The following STK39 variants were observed in gnomAD, a reference collection of about 807,000 sequenced individuals.
The protein encoded by STK39 is STE20/SPS1-related proline-alanine-rich protein kinase.
A neutral mutation model predicts 77.8 loss-of-function variants in STK39; 20 were observed. The ratio of observed to expected loss-of-function variants is 0.26; its 90% CI spans 0.18 to 0.37. The LOEUF is 0.37. Ranked by LOEUF, STK39 falls within the 10% of genes least tolerant of loss-of-function variation. STK39 has a pLI of 1.00. For missense variants in STK39, 479 were observed against 656.5 expected, an observed-to-expected ratio of 0.73 and a Z score of 2.95; for synonymous variants, 246 against 234.1, an observed-to-expected ratio of 1.05 and a Z score of -0.47.
At chr2:167,956,340 T>C (rs191367557) in intron 17 of STK39, among the ~76,000 whole-genome samples, 5 of 152,146 alleles carry the variant, frequency 3.3e-5, no homozygotes, top group East Asian at 3.9e-4. Context: ...AGGTGGATCA[T>C]GAGGTCAGGA....
At chr2:168,194,362 G>A (rs1689417807) in intron 1 of STK39, among the ~76,000 whole-genome samples, 1 of 152,190 alleles carries the variant, frequency 6.6e-6, no homozygotes, top group South Asian at 2.1e-4. Context: ...AGAGGTTGCA[G>A]TGAGCCAAGA....
intron 8 of STK39, among the ~76,000 whole-genome samples, chr2:168,134,597 T>C (rs1687784938): frequency 6.6e-6 from 1 of 152,176 alleles, no homozygotes; most frequent in South Asian, 2.1e-4. Context: ...CTTTTATTTT[T>C]AAGGAATAGC....
At chr2:168,100,865 C>T (rs528303534) in intron 10 of STK39, among the ~76,000 whole-genome samples, 39 of 152,130 alleles carry the variant, frequency 2.6e-4, no homozygotes, top group Non-Finnish European at 4.9e-4. Context: ...GGGTATATAC[C>T]CAAAGGATTA....
intron 16 of STK39, among the ~76,000 whole-genome samples, chr2:167,987,472 C>T (rs16854474): frequency 0.05 from 7,657 of 152,086 alleles, 691 homozygotes; most frequent in African/African-American, 0.17. Context: ...ATAGGATATA[C>T]TAATGCTGGG....
At chr2:168,233,034 C>A (rs1418534866) in intron 1 of STK39, among the ~76,000 whole-genome samples, 1 of 152,150 alleles carries the variant, frequency 6.6e-6, no homozygotes, top group Non-Finnish European at 1.5e-5. Context: ...CCCTAGAGAT[C>A]AGAGATCGTC....
At chr2:168,167,623 C>A (rs748193597) in intron 2 of STK39, among the ~76,000 whole-genome samples, 1 of 152,160 alleles carries the variant, frequency 6.6e-6, no homozygotes, top group Non-Finnish European at 1.5e-5. Flanking sequence ...GACCACAGAG[C>A]CCTGTGGACC....
At chr2:168,219,784 C>T (rs1690117009) in intron 1 of STK39, among the ~76,000 whole-genome samples, 1 of 151,692 alleles carries the variant, frequency 6.6e-6, no homozygotes, top group South Asian at 2.1e-4. Flanking sequence ...ACAGTGTTCA[C>T]AACTTGATAG....
intron 1 of STK39, among the ~76,000 whole-genome samples, chr2:168,182,332 G>C (rs1171058807): frequency 6.6e-6 from 1 of 152,020 alleles, no homozygotes; most frequent in Non-Finnish European, 1.5e-5. Flanking sequence ...AGGGACATGA[G>C]CATCTACATA....
chr2:168,157,041 C>T (rs375638656), intron 5 of STK39, among the ~76,000 whole-genome samples: 2 of 152,200 alleles, frequency 1.3e-5, no homozygotes, highest in Non-Finnish European at 2.9e-5. Flanking sequence ...AAAACTCAAC[C>T]ACCTTGCCCA....
intron 10 of STK39, among the ~76,000 whole-genome samples, chr2:168,093,570 G>A (rs551910391): frequency 1.2e-4 from 19 of 152,266 alleles, no homozygotes; most frequent in African/African-American, 4.6e-4. Context: ...AGATTTGGGT[G>A]GGGACACAGC....
intron 1 of STK39, 21 bp downstream of exon 1, chr2:168,247,207 C>G: frequency 8.4e-7 from 1 of 1,195,502 alleles, no homozygotes; most frequent in Non-Finnish European, 1.0e-6. Context: ...GTGCCGGCCC[C>G]GCCGCGCCCG....
chr2:168,048,695 G>T (rs1197557309), intron 14 of STK39, among the ~76,000 whole-genome samples: 3 of 152,122 alleles, frequency 2.0e-5, no homozygotes, highest in Non-Finnish European at 4.4e-5. Context: ...ATTGGCTCTT[G>T]CTTTATTCTT....
At chr2:168,204,836 T>C (rs1458225569) in intron 1 of STK39, among the ~76,000 whole-genome samples, 2 of 152,240 alleles carry the variant, frequency 1.3e-5, no homozygotes, top group East Asian at 1.9e-4. Context: ...TTTAAATCCC[T>C]GGATGTCCTT....
chr2:168,030,591 C>T (rs111496437), intron 14 of STK39, among the ~76,000 whole-genome samples: 2,859 of 152,254 alleles, frequency 0.019, 81 homozygotes, highest in African/African-American at 0.064. Context: ...GAAGTGTTAA[C>T]GCCAGTGTCC....
At chr2:168,065,491 A>C in intron 12 of STK39, 110 bp from the exon 13 acceptor site, 1 of 1,164,828 alleles carries the variant, frequency 8.6e-7, no homozygotes, top group East Asian at 2.4e-5. Flanking sequence ...AACGATCATA[A>C]AGCAATATTT....
At chr2:168,213,196 G>A (rs868636578) in intron 1 of STK39, among the ~76,000 whole-genome samples, 6 of 152,274 alleles carry the variant, frequency 3.9e-5, no homozygotes, top group Non-Finnish European at 7.4e-5. Context: ...AGAACATAGC[G>A]CTGAATTTAG....
At chr2:168,187,791 CT>C (rs1052265324) in intron 1 of STK39, among the ~76,000 whole-genome samples, 4 of 152,176 alleles carry the variant, frequency 2.6e-5, no homozygotes, top group Admixed American at 1.3e-4. Flanking sequence ...ACATCTAGTA[CT>C]TTTTTTAAAA....
chr2:167,992,562 A>C (rs968903868), intron 16 of STK39, among the ~76,000 whole-genome samples: 1 of 152,234 alleles, frequency 6.6e-6, no homozygotes, highest in Admixed American at 6.5e-5. Flanking sequence ...TTCCATAGGC[A>C]AAGAGGCACT....
chr2:168,148,067 A>G (rs1980184), intron 5 of STK39, among the ~76,000 whole-genome samples: 63,545 of 152,066 alleles, frequency 0.42, 14,940 homozygotes, highest in East Asian at 0.68. Flanking sequence ...GCCATAATTC[A>G]GCATTTATAT....
Sources: gnomAD v4.1 joint callset for allele counts (sites outside exome capture counted in the v4.1 genomes callset) on GRCh38, gnomAD v4.1.1 for gene constraint, MANE v1.5 for transcripts, NCBI Gene and HGNC (gene_info 2026-07-23, HGNC 2026-07-21) for gene names.